PDE1C: variants seen among roughly 807,000 people sequenced by gnomAD.
The protein encoded by PDE1C is phosphodiesterase 1C.
In PDE1C, 62 loss-of-function variants were observed where a neutral mutation model predicts 93.1. The ratio of observed to expected loss-of-function variants is 0.67; its 90% CI spans 0.54 to 0.82. PDE1C has a LOEUF of 0.82. PDE1C is among the 40% of genes least tolerant of loss of function. The pLI is 0.00. For missense variants in PDE1C, 742 were observed against 884.6 expected (o/e 0.84, Z 2.04); for synonymous variants, 325 against 310.1 (o/e 1.05, Z -0.50).
chr7:32,350,575 TATATATATATATATA>T (rs1448603567), intron 1 of PDE1C, among the ~76,000 whole-genome samples: 611 of 1,574 alleles, frequency 0.39, 173 homozygotes, highest in East Asian at 0.88. Context: ...TATATATATA[TATATATATATATATA>T]TTTTTTTTTT....
chr7:32,076,093 G>A (rs758184918), upstream of PDE1C, among the ~76,000 whole-genome samples: 2 of 152,062 alleles, frequency 1.3e-5, no homozygotes, highest in Admixed American at 6.6e-5. Flanking sequence ...GTCTGCCCCC[G>A]CAGGCCAGAT....
chr7:32,204,894 T>C (rs1403400357), intron 2 of PDE1C, among the ~76,000 whole-genome samples: 2 of 152,144 alleles, frequency 1.3e-5, no homozygotes, highest in African/African-American at 4.8e-5. Flanking sequence ...CACTTCTGTC[T>C]CCCTAATTAG....
At chr7:31,817,122 A>G (rs1303930283) in intron 14 of PDE1C, among the ~76,000 whole-genome samples, 1 of 152,152 alleles carries the variant, frequency 6.6e-6, no homozygotes, top group East Asian at 1.9e-4. Flanking sequence ...CAGTTTATAA[A>G]AAGCGCTTTG....
intron 2 of PDE1C, among the ~76,000 whole-genome samples, chr7:31,899,579 G>T (rs932910500): frequency 6.6e-6 from 1 of 152,080 alleles, no homozygotes; most frequent in Non-Finnish European, 1.5e-5. Flanking sequence ...AAGCAATACA[G>T]ATTTTACATC....
the PDE1C span, among the ~76,000 whole-genome samples, chr7:31,710,648 A>C: frequency 1.3e-5 from 2 of 152,236 alleles, no homozygotes; most frequent in Admixed American, 6.5e-5. Flanking sequence ...GGCTGGTTAC[A>C]TGATGGATTT....
intron 16 of PDE1C, chr7:31,790,251 C>T (rs765277015): frequency 6.2e-7 from 1 of 1,612,260 alleles, no homozygotes; most frequent in Non-Finnish European, 8.5e-7. Context: ...CTTTTTTACT[C>T]TTGTGAATCT....
At chr7:32,254,108 CAG>C (rs1809602244) in intron 1 of PDE1C, among the ~76,000 whole-genome samples, 1 of 152,220 alleles carries the variant, frequency 6.6e-6, no homozygotes, top group African/African-American at 2.4e-5. Context: ...CGGGGCGTAT[CAG>C]AGGATCTGGA....
At chr7:31,985,225 G>A (rs1210225485) in intron 2 of PDE1C, among the ~76,000 whole-genome samples, 2 of 152,018 alleles carry the variant, frequency 1.3e-5, no homozygotes, top group African/African-American at 4.8e-5. Flanking sequence ...AAGGCATGGA[G>A]TTTTCTTACA....
intron 3 of PDE1C, among the ~76,000 whole-genome samples, chr7:32,139,024 C>T (rs1214067824): frequency 1.3e-5 from 2 of 152,186 alleles, no homozygotes; most frequent in African/African-American, 2.4e-5. Flanking sequence ...TGGAGGAACT[C>T]AGTTTGTAAT....
chr7:31,970,810 T>A (rs1810846429), intron 2 of PDE1C, among the ~76,000 whole-genome samples: 1 of 152,196 alleles, frequency 6.6e-6, no homozygotes, highest in Non-Finnish European at 1.5e-5. Context: ...CTGTGTAGCA[T>A]AATGTTTGTT....
chr7:32,120,122 A>T (rs1340142497), intron 3 of PDE1C, among the ~76,000 whole-genome samples: 1 of 152,178 alleles, frequency 6.6e-6, no homozygotes, highest in Non-Finnish European at 1.5e-5. Flanking sequence ...GCTGTGTTAG[A>T]CGGCGGCCAG....
At chr7:31,880,497 T>C (rs986375435) in intron 3 of PDE1C, among the ~76,000 whole-genome samples, 1 of 152,226 alleles carries the variant, frequency 6.6e-6, no homozygotes, top group Non-Finnish European at 1.5e-5. Context: ...GTTTTTCTCC[T>C]CTTTCATGAT....
At chr7:32,147,780 T>G (rs1391814948) in intron 3 of PDE1C, among the ~76,000 whole-genome samples, 3 of 151,926 alleles carry the variant, frequency 2.0e-5, no homozygotes, top group Non-Finnish European at 4.4e-5. Flanking sequence ...GAGATAGTCC[T>G]GCAGGATACC....
intron 2 of PDE1C, among the ~76,000 whole-genome samples, chr7:32,174,708 G>GA (rs1322966703): frequency 6.7e-5 from 10 of 150,332 alleles, no homozygotes; most frequent in Non-Finnish European, 1.3e-4. Context: ...GCAATAAAAA[G>GA]AAAAAAAAAG....
chr7:32,232,730 T>G (rs11767773), intron 1 of PDE1C, among the ~76,000 whole-genome samples: 20,139 of 152,250 alleles, frequency 0.13, 1,547 homozygotes, highest in African/African-American at 0.19. Flanking sequence ...CCATAGGCTT[T>G]ATGAACTGAG....
intron 2 of PDE1C, among the ~76,000 whole-genome samples, chr7:32,182,120 T>G (rs375522303): frequency 6.6e-6 from 1 of 152,182 alleles, no homozygotes; most frequent in Non-Finnish European, 1.5e-5. Context: ...AATCTCTGAA[T>G]AGACCAATAA....
intron 2 of PDE1C, among the ~76,000 whole-genome samples, chr7:31,908,019 C>T (rs1340651532): frequency 1.3e-5 from 2 of 151,902 alleles, no homozygotes; most frequent in East Asian, 1.9e-4. Context: ...AGTTAAAATC[C>T]ACCCAGTATT....
the PDE1C span, among the ~76,000 whole-genome samples, chr7:31,684,570 A>G: frequency 6.6e-6 from 1 of 152,208 alleles, no homozygotes; most frequent in Non-Finnish European, 1.5e-5. Flanking sequence ...AAAACTCAAC[A>G]GTAATATAAA....
At chr7:32,289,324 C>G (rs930841570) in intron 1 of PDE1C, among the ~76,000 whole-genome samples, 1 of 152,160 alleles carries the variant, frequency 6.6e-6, no homozygotes, top group Non-Finnish European at 1.5e-5. Flanking sequence ...GCAGGGGGAT[C>G]GCTTGAGCCC....
Sources: allele counts gnomAD v4.1 joint callset (sites outside exome capture counted in the v4.1 genomes callset), GRCh38; gene constraint gnomAD v4.1.1; transcripts MANE v1.5; gene names NCBI Gene and HGNC (gene_info 2026-07-23, HGNC 2026-07-21).